Variants in NMBR observed in about 807,000 individuals in gnomAD.
NMBR encodes the protein neuromedin B receptor.
In NMBR, 16 loss-of-function variants were observed where a neutral mutation model predicts 20.5. The ratio of observed to expected loss-of-function variants is 0.78; its 90% CI spans 0.53 to 1.19. NMBR has a LOEUF of 1.19. NMBR is among the 50% of genes most tolerant of loss of function. The pLI, the probability that NMBR is intolerant of heterozygous loss-of-function variation, is 0.00. For missense variants in NMBR, 582 were observed against 499.1 expected, an observed-to-expected ratio of 1.17 and a Z score of -1.58; for synonymous variants, 212 against 196.6, an observed-to-expected ratio of 1.08 and a Z score of -0.65.
intron 1 of NMBR, among the ~76,000 whole-genome samples, chr6:142,113,344 T>G (rs1328557878): frequency 6.6e-6 from 1 of 152,160 alleles, no homozygotes; most frequent in Admixed American, 6.6e-5. Context: ...TTAATAAAAA[T>G]AAAGTTGGTG....
At chr6:142,100,821 A>C (rs1035482941) in intron 1 of NMBR, among the ~76,000 whole-genome samples, 2 of 152,216 alleles carry the variant, frequency 1.3e-5, no homozygotes, top group African/African-American at 4.8e-5. Context: ...AGACATAACT[A>C]TACTTTCTTC....
chr6:142,097,912 C>A (rs750420820), intron 1 of NMBR, among the ~76,000 whole-genome samples: 1 of 151,772 alleles, frequency 6.6e-6, no homozygotes, highest in Non-Finnish European at 1.5e-5. Flanking sequence ...AAATAAACTT[C>A]ATAAAATTAG....
intron 1 of NMBR, among the ~76,000 whole-genome samples, chr6:142,097,391 G>C (rs1029755412): frequency 1.8e-4 from 28 of 151,604 alleles, no homozygotes; most frequent in African/African-American, 6.8e-4. Flanking sequence ...ATTTATATCT[G>C]GTCTACATCT....
intron 1 of NMBR, among the ~76,000 whole-genome samples, chr6:142,127,647 C>CT (rs963530070): frequency 2.0e-5 from 3 of 150,962 alleles, no homozygotes; most frequent in Non-Finnish European, 3.0e-5. Context: ...ATTTATCTGT[C>CT]TTTTTTTTTC....
intron 2 of NMBR, among the ~76,000 whole-genome samples, 179 bp from the exon 3 acceptor site, chr6:142,079,082 A>G (rs1014005393): frequency 1.9e-4 from 18 of 94,004 alleles, no homozygotes; most frequent in African/African-American, 6.7e-4. Context: ...GAGAGAAAGA[A>G]AGAAAGAGAG....
chr6:142,113,824 A>C lies in NMBR; in HGVS notation c.-663-24503T>G, dbSNP rs563380189. ...ATATTTATCTGTAAACCTCTAAATG[A>C]TTGTCATAAACATAAAAGATAACTG... On this transcript the variant is annotated intron_variant, in intron 1 of 3. Transcript: ENST00000258042. Among the ~76,000 whole-genome samples the C allele has an allele frequency of 2.0e-5, 3 of 152,302 alleles. No homozygotes were observed. The South Asian group carries it at 6.2e-4, about 32-fold the overall frequency.
chr6:142,096,975 T>A (rs1189586496), intron 1 of NMBR, among the ~76,000 whole-genome samples: 1 of 152,072 alleles, frequency 6.6e-6, no homozygotes, highest in African/African-American at 2.4e-5. Flanking sequence ...GTCTGTTTTA[T>A]CAGAGACTAG....
chr6:142,113,739 A>G (rs1475900440), intron 1 of NMBR, among the ~76,000 whole-genome samples: 1 of 152,124 alleles, frequency 6.6e-6, no homozygotes, highest in Non-Finnish European at 1.5e-5. Context: ...AGCCTTACCA[A>G]ATTTGGAAGC....
intron 1 of NMBR, among the ~76,000 whole-genome samples, chr6:142,089,820 C>A (rs1263835543): frequency 7.9e-5 from 12 of 152,108 alleles, no homozygotes; most frequent in Admixed American, 1.3e-4. Flanking sequence ...TTTAGTCAAC[C>A]TGAGTAACGT....
At chr6:142,090,337 T>C (rs1360774694) in intron 1 of NMBR, among the ~76,000 whole-genome samples, 1 of 152,160 alleles carries the variant, frequency 6.6e-6, no homozygotes, top group Non-Finnish European at 1.5e-5. Context: ...GATGTGTATA[T>C]ATGCAATGTC....
intron 1 of NMBR, among the ~76,000 whole-genome samples, chr6:142,130,860 A>G (rs984883885): frequency 6.6e-6 from 1 of 152,182 alleles, no homozygotes; most frequent in Non-Finnish European, 1.5e-5. Flanking sequence ...TCCATTAAGC[A>G]GAAGAGTATA....
intron 1 of NMBR, among the ~76,000 whole-genome samples, chr6:142,107,298 C>T (rs960255265): frequency 1.3e-5 from 2 of 152,072 alleles, no homozygotes; most frequent in African/African-American, 2.4e-5. Flanking sequence ...GCAAAGGGGG[C>T]TGAATTTAAT....
At chr6:142,133,036 T>C in intron 1 of NMBR, 1 of 491,766 alleles carries the variant, frequency 2.0e-6, no homozygotes, top group African/African-American at 1.9e-5. Flanking sequence ...AAATTTGTAG[T>C]GATGAGTGTT....
intron 1 of NMBR, among the ~76,000 whole-genome samples, chr6:142,094,868 G>A (rs538631532): frequency 3.9e-5 from 6 of 151,944 alleles, no homozygotes; most frequent in Non-Finnish European, 5.9e-5. Context: ...GGTCCTTCAC[G>A]TCCCTTGTAA....
intron 1 of NMBR, among the ~76,000 whole-genome samples, chr6:142,145,828 G>A (rs1407415338): frequency 1.3e-5 from 2 of 152,236 alleles, no homozygotes; most frequent in Non-Finnish European, 2.9e-5. Flanking sequence ...TAAAGATACT[G>A]ACATTTAGGA....
intron 1 of NMBR, among the ~76,000 whole-genome samples, chr6:142,125,006 C>T (rs542423182): frequency 6.6e-6 from 1 of 151,934 alleles, no homozygotes; most frequent in African/African-American, 2.4e-5. Context: ...ATCCCCAGTT[C>T]CACTCCAGAA....
chr6:142,140,700 T>C (rs1309784305), intron 1 of NMBR, among the ~76,000 whole-genome samples: 1 of 152,132 alleles, frequency 6.6e-6, no homozygotes, highest in Admixed American at 6.5e-5. Context: ...GGTTTAATAT[T>C]TTAAAATCTT....
In NMBR at chr6:142,138,231, T is replaced by C. The variant is rs146559235; in HGVS notation, c.-664+8813A>G. ...ACTGGTAACTTAGTAGGGAAATCAGTATAGTCAAATACTAAGGTTTTCCAT... is the reference window on the plus strand; with the variant it reads ...ACTGGTAACTTAGTAGGGAAATCAGCATAGTCAAATACTAAGGTTTTCCAT... On this transcript the variant is annotated intron_variant, in intron 1 of 3. Coordinates refer to ENST00000258042, the MANE Select transcript of NMBR (RefSeq NM_002511.4). Among the ~76,000 whole-genome samples, 6 of 152,290 alleles carry C rather than the reference T, an allele frequency of 3.9e-5. No individual in the cohort carries two copies. The East Asian group carries it at 1.2e-3, about 29-fold the overall frequency.
chr6:142,096,414 A>C lies in NMBR; in HGVS notation c.-663-7093T>G, dbSNP rs577863609. ...TCTGCCTTCATTTCGTTATGTACCCAGTAGTCATTCAGGAGTAGGTTGTTC... is the reference window on the plus strand; with the variant it reads ...TCTGCCTTCATTTCGTTATGTACCCCGTAGTCATTCAGGAGTAGGTTGTTC... On this transcript the variant is annotated intron_variant, in intron 1 of 3. Transcript: ENST00000258042. Among the ~76,000 whole-genome samples, 275 of 152,270 alleles carry C rather than the reference A, an allele frequency of 1.8e-3. 1 individual carries two copies. Among genetic ancestry groups the C allele is most frequent in the Middle Eastern group, 6.8e-3 (2 of 294 alleles).
Sources: allele counts gnomAD v4.1 joint callset (sites outside exome capture counted in the v4.1 genomes callset), GRCh38; gene constraint gnomAD v4.1.1; transcripts MANE v1.5; gene names NCBI Gene and HGNC (gene_info 2026-07-23, HGNC 2026-07-21).